Variants in SLC6A15 observed in about 807,000 individuals in gnomAD.
The protein encoded by SLC6A15 is solute carrier family 6 member 15.
A neutral mutation model predicts 68.5 loss-of-function variants in SLC6A15; 33 were observed. That is an observed-to-expected ratio of 0.48 (90% confidence interval 0.37 to 0.64). SLC6A15 has a LOEUF of 0.64. SLC6A15 is among the 30% of genes least tolerant of loss of function. SLC6A15 has a pLI of 0.00. For synonymous variants in SLC6A15, 347 were observed against 301.0 expected (o/e 1.15, Z -1.58); for missense variants, 747 against 874.3 (o/e 0.85, Z 1.84).
chr12:84,892,535 T>C (rs1482239450), intron 1 of SLC6A15, among the ~76,000 whole-genome samples: 2 of 152,170 alleles, frequency 1.3e-5, no homozygotes, highest in African/African-American at 4.8e-5. Flanking sequence ...TGCAAAAATC[T>C]CAGATACACT....
intron 1 of SLC6A15, among the ~76,000 whole-genome samples, chr12:84,905,459 G>A (rs1052561958): frequency 6.6e-6 from 1 of 152,132 alleles, no homozygotes; most frequent in Non-Finnish European, 1.5e-5. Flanking sequence ...ATTTACTGGT[G>A]AAAGACTAAA....
At chr12:84,870,215 T>C (rs550759402) in intron 9 of SLC6A15, among the ~76,000 whole-genome samples, 1 of 150,986 alleles carries the variant, frequency 6.6e-6, no homozygotes, top group East Asian at 1.9e-4. Flanking sequence ...GCATTACTAT[T>C]AATGAATTAT....
At chr12:84,885,033 G>A (rs1197828207) in intron 4 of SLC6A15, among the ~76,000 whole-genome samples, 1 of 151,732 alleles carries the variant, frequency 6.6e-6, no homozygotes, top group Non-Finnish European at 1.5e-5. Context: ...TTAAAAAAAT[G>A]ATGGGAAAAG....
At chr12:84,900,753 T>C (rs1474654295) in intron 1 of SLC6A15, among the ~76,000 whole-genome samples, 1 of 151,674 alleles carries the variant, frequency 6.6e-6, no homozygotes, top group Non-Finnish European at 1.5e-5. Flanking sequence ...GTTGCTTTTC[T>C]ATCTTAAAAC....
chr12:84,863,433 A>G lies in SLC6A15; in HGVS notation c.1818+6T>C, dbSNP rs1213536940. 1 of 1,552,450 alleles carries G rather than the reference A, an allele frequency of 6.4e-7. No homozygotes were observed. The highest frequency in any genetic ancestry group is 2.4e-5 in the East Asian group (1 of 41,872). ...TAAAAATGTAATTCCCTTATTTTGT[A>G]TTTACCTTATCTTCAATCCATGCGT... On this transcript the variant is annotated splice_donor_region_variant and intron_variant, in intron 11 of 11. Transcript: ENST00000266682.
rs1343496179 is a variant in SLC6A15, at chr12:84,859,949, G to A, written c.*1683C>T. ...AGAATGGATGGCCAGGAGAAATGTT[G>A]GATGAGAACTTACTTCACACTGAAT... is the stretch of plus-strand genomic sequence containing the variant. On this transcript the variant is annotated 3_prime_UTR_variant, in exon 12 of 12. Transcript: ENST00000266682. 2 of 151,968 alleles carry A rather than the reference G, an allele frequency of 1.3e-5. No individual in the cohort carries two copies. Among genetic ancestry groups the A allele is most frequent in the Admixed American group, 1.3e-4 (2 of 15,246 alleles). 9.4% of individuals were successfully genotyped at this position (151,968 alleles called of 1,614,324 possible).
At chr12:84,896,013 G>A (rs1156866024) in intron 1 of SLC6A15, among the ~76,000 whole-genome samples, 1 of 152,188 alleles carries the variant, frequency 6.6e-6, no homozygotes, top group Non-Finnish European at 1.5e-5. Context: ...AAGAGAGATA[G>A]AGTGATAAAG....
rs542726260 is a variant in SLC6A15, at chr12:84,891,833, G to A, written c.288C>T (p.Gly96=). 14 of 1,606,980 alleles carry A rather than the reference G, an allele frequency of 8.7e-6. No individual in the cohort carries two copies. The highest frequency in any genetic ancestry group is 4.5e-5 in the East Asian group (2 of 44,626). The change falls in exon 2 of 12, where the codon GGC becomes GGT. Residue 96 remains glycine, a splice_region_variant and synonymous_variant. Coordinates refer to ENST00000266682, the MANE Select transcript of SLC6A15 (RefSeq NM_182767.6). ...TTATCACTTAAAAAGATTACTTACC[G>A]CCCCCATTCTTCTGACATAGGTATG... The part of the protein sequence containing the change: ...RFPYLCQKNG[G]GAYLLPYLIL...
chr12:84,883,120 T>C (rs2120631648), intron 5 of SLC6A15: 2 of 979,848 alleles, frequency 2.0e-6, no homozygotes, highest in South Asian at 9.5e-5. Context: ...CCAAGAGATG[T>C]GGAGAGCTTT....
In SLC6A15 at chr12:84,867,140, C is replaced by G; in HGVS notation, c.1549G>C (p.Gly517Arg). 6.2e-7 allele frequency: 1 copy of G among 1,612,154 alleles called. No individual in the cohort carries two copies. The highest frequency in any genetic ancestry group is 8.5e-7 in the Non-Finnish European group (1 of 1,179,064). The change falls in exon 10 of 12, where the codon GGA becomes CGA. Residue 517 changes from glycine to arginine, a missense_variant. Gly to Arg is a moderately radical substitution (Grantham distance 125, BLOSUM62 -2). Transcript: ENST00000266682. Reference sequence around the variant, plus strand: ...TCAAACATTGTAACAAAGTAATTTCCAGAGCGTTGCACAAATATCAGGCCA... The same window carrying G: ...TCAAACATTGTAACAAAGTAATTTCGAGAGCGTTGCACAAATATCAGGCCA... ...CIGLIFVQRS[G>R]NYFVTMFDDY...
chr12:84,902,513 G>T (rs1199393635), intron 1 of SLC6A15, among the ~76,000 whole-genome samples: 4 of 147,418 alleles, frequency 2.7e-5, no homozygotes, highest in Non-Finnish European at 4.5e-5. Flanking sequence ...ATATATCACA[G>T]AAAAATAAAA....
rs1871724012 is a variant in SLC6A15 at position 84,879,539 on chromosome 12, T to C, written c.757-2932A>G. 1.3e-5 allele frequency among the ~76,000 whole-genome samples: 2 copies of C among 151,844 alleles called. 1 individual carries two copies. Among genetic ancestry groups the C allele is most frequent in the South Asian group, 4.2e-4 (2 of 4,796 alleles). On this transcript the variant is annotated intron_variant, in intron 5 of 11. Coordinates refer to ENST00000266682, the MANE Select transcript of SLC6A15 (RefSeq NM_182767.6). Reference sequence around the variant, plus strand: ...CGGAGTTTCACCGTTTTGCCCAGGCTGGTCTCAAACTTGTGAGCTCAGGCA... The same window carrying C: ...CGGAGTTTCACCGTTTTGCCCAGGCCGGTCTCAAACTTGTGAGCTCAGGCA...
chr12:84,863,630 C>A, intron 10 of SLC6A15, 29 bp from the exon 11 acceptor site: 1 of 1,448,796 alleles, frequency 6.9e-7, no homozygotes, highest in Non-Finnish European at 9.1e-7. Context: ...TTTAATTATT[C>A]CTTAATTTAA....
chr12:84,874,169 A>G (rs1668234865), intron 6 of SLC6A15, among the ~76,000 whole-genome samples: 1 of 152,206 alleles, frequency 6.6e-6, no homozygotes, highest in African/African-American at 2.4e-5. Flanking sequence ...GTCAAACATG[A>G]CTAAGAACAC....
At chr12:84,893,750 T>A (rs1398671628) in intron 1 of SLC6A15, among the ~76,000 whole-genome samples, 1 of 152,160 alleles carries the variant, frequency 6.6e-6, no homozygotes, top group East Asian at 1.9e-4. Flanking sequence ...AAAAAATTAC[T>A]TAACTTACTA....
At chr12:84,867,009 A>G (rs776263044) in intron 10 of SLC6A15, 25 bp downstream of exon 10, 2 of 1,504,824 alleles carry the variant, frequency 1.3e-6, no homozygotes, top group Non-Finnish European at 1.8e-6. Context: ...ATTAAAAGTG[A>G]ATACATAAAA....
intron 5 of SLC6A15, chr12:84,882,377 A>G: frequency 2.0e-6 from 2 of 978,482 alleles, no homozygotes; most frequent in Non-Finnish European, 1.2e-6. Flanking sequence ...AACATTGCCA[A>G]AGACTTAAAG....
chr12:84,887,996 C>A (rs1218084925), intron 2 of SLC6A15, among the ~76,000 whole-genome samples: 4 of 151,746 alleles, frequency 2.6e-5, no homozygotes, highest in African/African-American at 7.3e-5. Context: ...GAGGCCGAGG[C>A]TGGCAGATCG....
chr12:84,863,281 CT>C (rs1870927356), intron 11 of SLC6A15, among the ~76,000 whole-genome samples, 157 bp downstream of exon 11: 1 of 137,460 alleles, frequency 7.3e-6, no homozygotes, highest in Admixed American at 7.1e-5. Context: ...ATCACATATG[CT>C]CGGGGCAGAG....
Sources: allele counts gnomAD v4.1 joint callset (sites outside exome capture counted in the v4.1 genomes callset), GRCh38; gene constraint gnomAD v4.1.1; transcripts MANE v1.5; gene names NCBI Gene and HGNC (gene_info 2026-07-23, HGNC 2026-07-21).